Variants in LBP observed in about 807,000 individuals in gnomAD.
The protein encoded by LBP is lipopolysaccharide binding protein, also known as lipopolysaccharide-binding protein.
A neutral mutation model predicts 56.6 loss-of-function variants in LBP; 53 were observed. The ratio of observed to expected loss-of-function variants is 0.94; its 90% CI spans 0.75 to 1.18. The LOEUF is 1.18. Ranked by LOEUF, LBP falls within the 50% of genes most tolerant of loss-of-function variation. The pLI, the probability that LBP is intolerant of heterozygous loss-of-function variation, is 0.00. For synonymous variants in LBP, 227 were observed against 247.5 expected, an observed-to-expected ratio of 0.92 and a Z score of 0.78; for missense variants, 601 against 598.3, an observed-to-expected ratio of 1.00 and a Z score of -0.05.
At chr20:38,351,777 T>G (rs904577432) in intron 3 of LBP, among the ~76,000 whole-genome samples, 9 of 152,010 alleles carry the variant, frequency 5.9e-5, no homozygotes, top group Non-Finnish European at 1.3e-4. Context: ...TCCCAGCACT[T>G]TGGGAGGCTG....
At position 38,366,691 on chromosome 20, in the gene LBP, C is replaced by T. The variant is rs888742572; in HGVS notation, c.922-78C>T. The T allele has an allele frequency of 4.5e-6, 6 of 1,332,068 alleles. No individual in the cohort carries two copies. In the South Asian group the frequency reaches 4.7e-5, roughly 10 times the overall value. The allele number at this position is 1,332,068 out of a possible 1,614,324, so 82.5% of individuals were successfully genotyped here. A position where few individuals can be genotyped will look rare whatever the true frequency, so the allele number is the denominator to read the frequency against. ...GGAGAAGCGACAGTCTTGCACATCCCCCTGTCTCCCCAATCTTCTTTAGAC... is the reference window on the plus strand; with the variant it reads ...GGAGAAGCGACAGTCTTGCACATCCTCCTGTCTCCCCAATCTTCTTTAGAC... On this transcript the variant is annotated intron_variant, in intron 8 of 14. Transcript: ENST00000217407.
chr20:38,349,461 T>C (rs1313931789), intron 1 of LBP, 87 bp from the exon 2 acceptor site: 7 of 934,780 alleles, frequency 7.5e-6, no homozygotes, highest in Non-Finnish European at 1.0e-5. Context: ...GCCCCTCTCT[T>C]GAGGACAGGT....
chr20:38,355,207 G>A (rs1339305215), intron 4 of LBP, 139 bp from the exon 5 acceptor site: 2 of 723,048 alleles, frequency 2.8e-6, no homozygotes, highest in Non-Finnish European at 4.9e-6. Context: ...CAGGCTGGAT[G>A]TGCTGGGACA....
At chr20:38,365,471 C>T (rs1780625) in intron 8 of LBP, among the ~76,000 whole-genome samples, 66,952 of 151,010 alleles carry the variant, frequency 0.44, 15,401 homozygotes, top group Non-Finnish European at 0.49. Flanking sequence ...CCAAGGTGGG[C>T]GGATCACCTG....
chr20:38,370,468 T>C (rs999275076), intron 10 of LBP, among the ~76,000 whole-genome samples: 2 of 152,188 alleles, frequency 1.3e-5, no homozygotes, highest in Non-Finnish European at 2.9e-5. Flanking sequence ...TTTCCAAGGG[T>C]AGGTACTCTA....
rs1177380650 is a variant in LBP at position 38,350,887 on chromosome 20, T to A, written c.316T>A (p.Ser106Thr). ...VPGQGLSLSI[S>T]DSSIRVQGRW... ...TGGCCAGGGCCTGAGTCTCAGCATC[T>A]CCGACTCCTCCATCCGGGTCCAGGG... Residue 106 changes from serine to threonine, a missense_variant, in exon 3 of 15, where the codon TCC becomes ACC. By Grantham distance (58) the Ser-to-Thr change is moderately conservative. Coordinates refer to ENST00000217407, the MANE Select transcript of LBP (RefSeq NM_004139.5). 6.2e-7 allele frequency: 1 copy of A among 1,613,952 alleles called. No individual in the cohort carries two copies. Among genetic ancestry groups the A allele is most frequent in the African/African-American group, 1.3e-5 (1 of 74,952 alleles).
chr20:38,364,172 T>A (rs1021352290), intron 7 of LBP, 106 bp downstream of exon 7: 5 of 757,932 alleles, frequency 6.6e-6, no homozygotes, highest in Non-Finnish European at 1.1e-5. Flanking sequence ...ATCCTCCCAG[T>A]GGTTCCCGCT....
intron 5 of LBP, 21 bp from the exon 6 acceptor site, chr20:38,360,683 T>C: frequency 6.3e-7 from 1 of 1,589,502 alleles, no homozygotes; most frequent in Non-Finnish European, 8.6e-7. Flanking sequence ...CACTCAGTCA[T>C]TCTCTTCCCA....
At chr20:38,357,692 TA>T (rs2076846117) in intron 5 of LBP, among the ~76,000 whole-genome samples, 1 of 152,222 alleles carries the variant, frequency 6.6e-6, no homozygotes, top group South Asian at 2.1e-4. Context: ...CTCCACAGGC[TA>T]AGCAGCAACA....
At chr20:38,376,137 G>GTAA (rs1437486859) in intron 14 of LBP, among the ~76,000 whole-genome samples, 1 of 152,156 alleles carries the variant, frequency 6.6e-6, no homozygotes, top group African/African-American at 2.4e-5. Flanking sequence ...CATGTGGAAA[G>GTAA]TAATTAGATT....
intron 5 of LBP, among the ~76,000 whole-genome samples, chr20:38,359,837 G>A (rs11536961): frequency 0.018 from 2,746 of 152,216 alleles, 97 homozygotes; most frequent in African/African-American, 0.061. Context: ...GAAGCAGGCC[G>A]CACAACTGGT....
At chr20:38,364,109 C>G (rs371470880) in intron 7 of LBP, 43 bp downstream of exon 7, 30 of 1,336,726 alleles carry the variant, frequency 2.2e-5, no homozygotes, top group Non-Finnish European at 3.1e-5. Context: ...GGCTTTCCCT[C>G]AGGGTCAGCC....
In LBP at chr20:38,367,646, C is replaced by T. The variant is rs112318889; in HGVS notation, c.981+818C>T. On this transcript the variant is annotated intron_variant, in intron 9 of 14. Coordinates refer to ENST00000217407, the MANE Select transcript of LBP (RefSeq NM_004139.5). Reference sequence around the variant, plus strand: ...TTTCTGATGATATTCTATGTATATACAGGTTCACTATCTCTTATCTGAAAT... The same window carrying T: ...TTTCTGATGATATTCTATGTATATATAGGTTCACTATCTCTTATCTGAAAT... Among the ~76,000 whole-genome samples the T allele has an allele frequency of 3.1e-4, 47 of 152,272 alleles. 3 individuals are homozygous for T. Among genetic ancestry groups the T allele is most frequent in the African/African-American group, 1.1e-3 (45 of 41,554 alleles).
chr20:38,365,681 A>C (rs1369715722), intron 8 of LBP, among the ~76,000 whole-genome samples: 2 of 137,170 alleles, frequency 1.5e-5, no homozygotes, highest in African/African-American at 5.5e-5. Context: ...TGGGCAACAG[A>C]GTGAGACTGC....
In LBP at chr20:38,369,162, G is replaced by A. The variant is rs968344386; in HGVS notation, c.1149G>A (p.Val383=). ...SSKEPVFRLS[V]ATNVSATLTF... ...AGGAGCCTGTCTTCCGGCTCAGTGT[G>A]GTAAGGTTCAGAGCCTTTGCAAATG... Residue 383 remains valine, a splice_region_variant and synonymous_variant, in exon 10 of 15, where the codon GTG becomes GTA. Coordinates refer to ENST00000217407, the MANE Select transcript of LBP (RefSeq NM_004139.5). The A allele has an allele frequency of 6.2e-6, 10 of 1,613,284 alleles. No homozygotes were observed. The highest frequency in any genetic ancestry group is 4.2e-6 in the Non-Finnish European group (5 of 1,179,752).
intron 6 of LBP, among the ~76,000 whole-genome samples, chr20:38,361,168 G>GAA (rs540710354): frequency 2.4e-5 from 2 of 84,720 alleles, no homozygotes; most frequent in Non-Finnish European, 5.0e-5. Context: ...TGTCTCAACA[G>GAA]AAAAAAAAAA....
At chr20:38,363,001 C>G (rs2076866810) in intron 6 of LBP, among the ~76,000 whole-genome samples, 1 of 152,112 alleles carries the variant, frequency 6.6e-6, no homozygotes, top group Non-Finnish European at 1.5e-5. Context: ...GTTGCATGCA[C>G]CTGTAGTGTA....
At chr20:38,362,120 G>A (rs1286602226) in intron 6 of LBP, among the ~76,000 whole-genome samples, 3 of 147,062 alleles carry the variant, frequency 2.0e-5, no homozygotes, top group East Asian at 2.0e-4. Flanking sequence ...GTGCAGTGGC[G>A]CAATCTCGGC....
At chr20:38,360,364 G>A (rs1173912589) in intron 5 of LBP, among the ~76,000 whole-genome samples, 1 of 152,108 alleles carries the variant, frequency 6.6e-6, no homozygotes, top group African/African-American at 2.4e-5. Flanking sequence ...ATTCTGAGAG[G>A]CCAGGACCTC....
Sources: gnomAD v4.1 joint callset for allele counts (sites outside exome capture counted in the v4.1 genomes callset) on GRCh38, gnomAD v4.1.1 for gene constraint, MANE v1.5 for transcripts, NCBI Gene and HGNC (gene_info 2026-07-23, HGNC 2026-07-21) for gene names.